Variants in GINM1 observed in about 807,000 individuals in gnomAD.
GINM1 encodes the protein glycoprotein integral membrane protein 1.
A neutral mutation model predicts 37.8 loss-of-function variants in GINM1; 29 were observed. The ratio of observed to expected loss-of-function variants is 0.77; its 90% CI spans 0.57 to 1.05. The LOEUF (loss-of-function observed/expected upper bound fraction) is 1.05. Among genes scored for constraint, GINM1 ranks in the 50% least tolerant of loss-of-function variants. GINM1 has a pLI of 0.00. For missense variants in GINM1, 377 were observed against 397.9 expected (o/e 0.95, Z 0.45); for synonymous variants, 143 against 146.2 (o/e 0.98, Z 0.16).
At chr6:149,575,110 C>T (rs1241374776) in intron 3 of GINM1, among the ~76,000 whole-genome samples, 1 of 152,186 alleles carries the variant, frequency 6.6e-6, no homozygotes, top group Non-Finnish European at 1.5e-5. Flanking sequence ...TCCTTCCTAT[C>T]TGTGCTCCAC....
chr6:149,570,881 A>G (rs1006082104), intron 1 of GINM1, among the ~76,000 whole-genome samples: 1 of 152,212 alleles, frequency 6.6e-6, no homozygotes, highest in African/African-American at 2.4e-5. Flanking sequence ...AGTGGTAAAT[A>G]CTTCTTAAAA....
rs371158335 is a variant in GINM1 at position 149,590,842 on chromosome 6, G to A, written c.*4G>A. 1.4e-5 allele frequency: 20 copies of A among 1,393,436 alleles called. No individual in the cohort carries two copies. The highest frequency in any genetic ancestry group is 9.4e-5 in the South Asian group (8 of 84,936). The allele number at this position is 1,393,436 out of a possible 1,614,324, so 86.3% of individuals were successfully genotyped here. A position where few individuals can be genotyped will look rare whatever the true frequency, so the allele number is the denominator to read the frequency against. On this transcript the variant is annotated 3_prime_UTR_variant, in exon 8 of 8. Coordinates refer to ENST00000367419, the MANE Select transcript of GINM1 (RefSeq NM_138785.5). ...TGAAGATAAAACATGTATTTAAAAC[G>A]CCATCTCATATCATGGACTCCGAAG...
intron 7 of GINM1, among the ~76,000 whole-genome samples, chr6:149,588,646 C>T (rs967924180): frequency 2.6e-5 from 4 of 151,912 alleles, no homozygotes; most frequent in Non-Finnish European, 5.9e-5. Context: ...TTTTTAAAGA[C>T]AGGGTTTTGT....
chr6:149,574,196 G>A (rs867915714), intron 3 of GINM1, among the ~76,000 whole-genome samples: 3 of 151,788 alleles, frequency 2.0e-5, no homozygotes, highest in Non-Finnish European at 4.4e-5. Flanking sequence ...GATTACAGGT[G>A]CCCGCCACCA....
chr6:149,569,247 G>C (rs183497123), intron 1 of GINM1, among the ~76,000 whole-genome samples: 17 of 149,678 alleles, frequency 1.1e-4, no homozygotes, highest in African/African-American at 4.2e-4. Context: ...TGTTGGCTAG[G>C]TTGGTCTCGA....
chr6:149,574,205 C>T (rs1777877056), intron 3 of GINM1, among the ~76,000 whole-genome samples: 1 of 151,964 alleles, frequency 6.6e-6, no homozygotes, highest in Admixed American at 6.6e-5. Flanking sequence ...TGCCCGCCAC[C>T]ATGCCCGGCT....
chr6:149,587,945 T>G (rs970093109), intron 7 of GINM1, among the ~76,000 whole-genome samples: 6 of 152,192 alleles, frequency 3.9e-5, no homozygotes, highest in African/African-American at 1.4e-4. Context: ...GATTTAAGGA[T>G]TTTAGGAGCT....
chr6:149,580,519 A>G, intron 5 of GINM1, 74 bp from the exon 6 acceptor site: 3 of 1,304,428 alleles, frequency 2.3e-6, no homozygotes, highest in Non-Finnish European at 3.2e-6. Flanking sequence ...CCTAAATGCT[A>G]TTGGTATCGT....
chr6:149,581,120 T>C (rs996452994), intron 6 of GINM1, among the ~76,000 whole-genome samples: 2 of 152,184 alleles, frequency 1.3e-5, no homozygotes, highest in Non-Finnish European at 2.9e-5. Flanking sequence ...TGCCCAGGCT[T>C]GAAACCTGGT....
At chr6:149,575,541 G>A (rs966536176) in intron 3 of GINM1, among the ~76,000 whole-genome samples, 4 of 152,158 alleles carry the variant, frequency 2.6e-5, no homozygotes, top group Non-Finnish European at 4.4e-5. Context: ...ATGCCTTTGC[G>A]GGAAGAAATC....
intron 1 of GINM1, among the ~76,000 whole-genome samples, chr6:149,571,739 A>G (rs1271076854): frequency 6.6e-6 from 1 of 152,134 alleles, no homozygotes; most frequent in Non-Finnish European, 1.5e-5. Context: ...ATATTTGCAT[A>G]TTATATACTC....
At position 149,579,890 on chromosome 6, in the gene GINM1, C is replaced by CT; in HGVS notation, c.486_487insT (p.Arg163Ter). On this transcript the variant is annotated frameshift_variant, in exon 5 of 8. Coordinates refer to ENST00000367419, the MANE Select transcript of GINM1 (RefSeq NM_138785.5). LOFTEE classifies it high-confidence loss of function. ...TTTTAGTTAAGAACCGGGGAGTACT[C>CT]AGACATTCAAACTATACCCTCCCTT... The CT allele has an allele frequency of 6.2e-7, 1 of 1,607,584 alleles. No individual in the cohort carries two copies. The highest frequency in any genetic ancestry group is 1.1e-5 in the South Asian group (1 of 90,550).
chr6:149,581,632 T>C (rs575873710), intron 6 of GINM1, among the ~76,000 whole-genome samples: 6 of 152,362 alleles, frequency 3.9e-5, no homozygotes, highest in African/African-American at 1.2e-4. Flanking sequence ...TAAATATGCA[T>C]TGGCACCTAC....
At chr6:149,572,079 A>AAATG (rs1777835160) in intron 1 of GINM1, among the ~76,000 whole-genome samples, 1 of 54,240 alleles carries the variant, frequency 1.8e-5, no homozygotes, top group African/African-American at 6.0e-5. Context: ...GACTCTCAAA[A>AAATG]AATAAATAAA....
At chr6:149,590,111 T>C (rs1312167160) in intron 7 of GINM1, among the ~76,000 whole-genome samples, 1 of 152,206 alleles carries the variant, frequency 6.6e-6, no homozygotes, top group Non-Finnish European at 1.5e-5. Flanking sequence ...CCTACTATCA[T>C]GTTTTAATAA....
rs536463841 is a variant in GINM1 at position 149,590,945 on chromosome 6, A to G, written c.*107A>G. On this transcript the variant is annotated 3_prime_UTR_variant, in exon 8 of 8. Transcript: ENST00000367419. ...AAGAATCAGTTTATACACTAGAGAA[A>G]TTGCTAAACTCTAAGACTGCCTGAA... The G allele has an allele frequency of 1.8e-5, 11 of 616,312 alleles. No homozygotes were observed. Among genetic ancestry groups the G allele is most frequent in the Non-Finnish European group, 2.3e-5 (8 of 348,306 alleles). The allele number at this position is 616,312 out of a possible 1,614,324, so 38.2% of individuals were successfully genotyped here.
chr6:149,589,350 G>T (rs1218109834), intron 7 of GINM1, among the ~76,000 whole-genome samples: 2 of 151,976 alleles, frequency 1.3e-5, no homozygotes, highest in African/African-American at 4.8e-5. Context: ...TCTGCTCACT[G>T]CAACCTCAAC....
intron 7 of GINM1, among the ~76,000 whole-genome samples, chr6:149,588,032 A>G (rs1218699359): frequency 1.3e-5 from 2 of 152,248 alleles, no homozygotes; most frequent in East Asian, 3.8e-4. Context: ...TAATATAACC[A>G]TTCCTCTAAC....
intron 1 of GINM1, among the ~76,000 whole-genome samples, chr6:149,568,671 C>G (rs1221649745): frequency 3.3e-5 from 5 of 152,230 alleles, no homozygotes; most frequent in Non-Finnish European, 5.9e-5. Flanking sequence ...TGTCCATCCT[C>G]GTTTCCAGTC....
Sources: allele counts gnomAD v4.1 joint callset (sites outside exome capture counted in the v4.1 genomes callset), GRCh38; gene constraint gnomAD v4.1.1; transcripts MANE v1.5; gene names NCBI Gene and HGNC (gene_info 2026-07-23, HGNC 2026-07-21).